Variants in SYTL5 observed in about 807,000 individuals in gnomAD.
SYTL5 encodes the protein synaptotagmin like 5.
In SYTL5, 34 loss-of-function variants were observed where a neutral mutation model predicts 55.9. The ratio of observed to expected loss-of-function variants is 0.61; its 90% CI spans 0.46 to 0.81. The LOEUF (loss-of-function observed/expected upper bound fraction) is 0.81, where lower values mean the gene tolerates loss of function less well. Among genes scored for constraint, SYTL5 ranks in the 30% least tolerant of loss-of-function variants. The probability of loss-of-function intolerance (pLI) is 0.00; values close to 1 mark genes in which losing one functional copy is unlikely to be tolerated. For synonymous variants in SYTL5, 221 were observed against 188.7 expected, an observed-to-expected ratio of 1.17 and a Z score of -1.40; for missense variants, 637 against 546.7, an observed-to-expected ratio of 1.17 and a Z score of -1.65.
the SYTL5 span, among the ~76,000 whole-genome samples, chrX:37,894,258 T>C: frequency 8.0e-5 from 9 of 111,843 alleles, no homozygotes; most frequent in Admixed American, 7.7e-4. Context: ...CTGTGATCCT[T>C]ATTGTTTAAA....
At chrX:37,949,683 A>T in the SYTL5 span, among the ~76,000 whole-genome samples, 4 of 112,054 alleles carry the variant, frequency 3.6e-5, no homozygotes, top group Non-Finnish European at 5.7e-5. Context: ...GGCACCAAGG[A>T]AGACAAAAAA....
chrX:37,892,752 A>G, the SYTL5 span, among the ~76,000 whole-genome samples: 1 of 94,809 alleles, frequency 1.1e-5, no homozygotes, highest in East Asian at 3.1e-4. Context: ...GTATATATGT[A>G]TATAATTGTA....
At chrX:37,897,159 A>G in the SYTL5 span, among the ~76,000 whole-genome samples, 1 of 111,989 alleles carries the variant, frequency 8.9e-6, no homozygotes, top group Non-Finnish European at 1.9e-5. Flanking sequence ...GAAGGAAAGC[A>G]AAGAAGTCAG....
chrX:38,115,483 C>CAAAAA (rs772227891), intron 13 of SYTL5, among the ~76,000 whole-genome samples: 2 of 17,463 alleles, frequency 1.1e-4, no homozygotes, highest in African/African-American at 2.1e-4. Context: ...GACTCCGTCT[C>CAAAAA]AAAAAAAAAA....
chrX:38,125,801 C>T (rs1481194218), intron 16 of SYTL5, among the ~76,000 whole-genome samples: 1 of 111,498 alleles, frequency 9.0e-6, no homozygotes, highest in Non-Finnish European at 1.9e-5. Flanking sequence ...CTTTCTTGGG[C>T]CTTGCTTCAT....
intron 1 of SYTL5, among the ~76,000 whole-genome samples, chrX:38,020,158 T>A (rs1934500825): frequency 9.1e-6 from 1 of 110,190 alleles, no homozygotes; most frequent in Admixed American, 9.7e-5. Context: ...TTATTGATAA[T>A]CAGTGGATAT....
chrX:38,013,066 G>T (rs1017214434), intron 1 of SYTL5, among the ~76,000 whole-genome samples: 4 of 112,141 alleles, frequency 3.6e-5, no homozygotes, highest in East Asian at 5.6e-4. Context: ...AATATAGATT[G>T]GGATGTCCTG....
the SYTL5 span, among the ~76,000 whole-genome samples, chrX:37,949,888 T>C: frequency 8.9e-6 from 1 of 111,984 alleles, no homozygotes; most frequent in Non-Finnish European, 1.9e-5. Context: ...TCTAGATCTC[T>C]CCTGTCATAT....
chrX:38,120,917 GT>G (rs1177894837), intron 14 of SYTL5, among the ~76,000 whole-genome samples: 2 of 111,542 alleles, frequency 1.8e-5, no homozygotes, highest in East Asian at 5.6e-4. Context: ...GTATTAAGCT[GT>G]TTTTGCATTG....
intron 14 of SYTL5, 99 bp from the exon 15 acceptor site, chrX:38,121,981 G>A: frequency 2.4e-6 from 2 of 822,787 alleles, no homozygotes; most frequent in Non-Finnish European, 3.3e-6. Flanking sequence ...TGAAATATAT[G>A]TTTGTAGATG....
chrX:38,066,505 T>A (rs1936105045), intron 3 of SYTL5, among the ~76,000 whole-genome samples: 1 of 111,714 alleles, frequency 9.0e-6, no homozygotes, highest in African/African-American at 3.3e-5. Context: ...TTACAGTGCA[T>A]AAAGTCTATG....
chrX:37,959,819 G>A, the SYTL5 span, among the ~76,000 whole-genome samples: 9 of 111,664 alleles, frequency 8.1e-5, no homozygotes, highest in Admixed American at 6.6e-4. Flanking sequence ...CCCTTGTAGC[G>A]GCTCTCTGCT....
intron 13 of SYTL5, among the ~76,000 whole-genome samples, chrX:38,111,257 T>A (rs1356433140): frequency 1.8e-5 from 2 of 112,088 alleles, no homozygotes; most frequent in Non-Finnish European, 3.8e-5. Flanking sequence ...TGACTGCCCA[T>A]GTGACCTTGG....
the SYTL5 span, among the ~76,000 whole-genome samples, chrX:37,977,895 G>A: frequency 1.8e-4 from 20 of 110,757 alleles, no homozygotes; most frequent in South Asian, 7.3e-3. Flanking sequence ...GGTTGGTGGC[G>A]GTTTGAATTT....
intron 2 of SYTL5, among the ~76,000 whole-genome samples, chrX:38,046,817 G>T (rs940592323): frequency 8.9e-6 from 1 of 112,004 alleles, no homozygotes; most frequent in Non-Finnish European, 1.9e-5. Flanking sequence ...ATACAATGGG[G>T]TACAGGCATT....
At chrX:37,893,904 T>C in the SYTL5 span, among the ~76,000 whole-genome samples, 3 of 107,354 alleles carry the variant, frequency 2.8e-5, no homozygotes, top group African/African-American at 1.0e-4. Flanking sequence ...CAATTCACAA[T>C]TCAGGTTATG....
chrX:37,933,141 A>G, the SYTL5 span, among the ~76,000 whole-genome samples: 3 of 111,747 alleles, frequency 2.7e-5, no homozygotes, highest in Non-Finnish European at 5.6e-5. Context: ...TGTCACATTG[A>G]GTGAAAATGG....
At chrX:37,966,912 CT>C in the SYTL5 span, among the ~76,000 whole-genome samples, 7 of 111,797 alleles carry the variant, frequency 6.3e-5, no homozygotes, top group Non-Finnish European at 1.1e-4. Context: ...GTTTAGCAAC[CT>C]TTTATTTCAA....
intron 10 of SYTL5, among the ~76,000 whole-genome samples, chrX:38,103,476 G>T (rs769271759): frequency 2.2e-4 from 24 of 110,054 alleles, no homozygotes; most frequent in African/African-American, 7.9e-4. Context: ...CCTTCTATCC[G>T]TAGGGGCCCT....
Sources: gnomAD v4.1 joint callset for allele counts (sites outside exome capture counted in the v4.1 genomes callset) on GRCh38, gnomAD v4.1.1 for gene constraint, MANE v1.5 for transcripts, NCBI Gene and HGNC (gene_info 2026-07-23, HGNC 2026-07-21) for gene names.